Variants in COL8A1 observed in about 807,000 individuals in gnomAD.
COL8A1 encodes the protein collagen alpha-1(VIII) chain.
In COL8A1, 21 loss-of-function variants were observed where a neutral mutation model predicts 42.7. The observed-to-expected ratio is 0.49, with a 90% CI of 0.35 to 0.71. COL8A1 has a LOEUF of 0.71. Ranked by LOEUF, COL8A1 falls within the 30% of genes least tolerant of loss-of-function variation. The pLI is 0.01. For missense variants in COL8A1, 788 were observed against 962.4 expected (o/e 0.82, Z 2.40); for synonymous variants, 367 against 369.1 (o/e 0.99, Z 0.06).
rs1942137381 is a variant in COL8A1 at position 99,798,280 on chromosome 3, A to G, written c.*2144A>G. On this transcript the variant is annotated 3_prime_UTR_variant, in exon 4 of 4. Transcript: ENST00000652472. ...ATTATACAACAATCTTTTCCCAACA[A>G]AAAGATGTCCTCCACAACCTTTGTT... is the stretch of plus-strand genomic sequence containing the variant. The G allele has an allele frequency of 6.6e-6, 1 of 152,168 alleles. No homozygotes were observed. 9.4% of individuals were successfully genotyped at this position (152,168 alleles called of 1,614,324 possible).
intron 1 of COL8A1, among the ~76,000 whole-genome samples, chr3:99,733,904 G>T (rs1039432435): frequency 6.6e-6 from 1 of 152,144 alleles, no homozygotes; most frequent in African/African-American, 2.4e-5. Flanking sequence ...GGCCAGTGAT[G>T]ATGAGCATTT....
intron 1 of COL8A1, among the ~76,000 whole-genome samples, chr3:99,742,318 A>G (rs765879011): frequency 6.6e-6 from 1 of 152,234 alleles, no homozygotes. Context: ...TAACTAAATA[A>G]TTCTTGCTTA....
Position 99,648,460 on chromosome 3 carries a change from T to G in COL8A1, c.-129+9796T>G, listed in dbSNP as rs73150254. Among the ~76,000 whole-genome samples the G allele has an allele frequency of 5.0e-3, 754 of 152,222 alleles. 10 individuals carry two copies. The highest frequency in any genetic ancestry group is 9.1e-3 in the Admixed American group (140 of 15,306). Reference sequence around the variant, plus strand: ...TACAGTGATTTTAATTTCTTTTTCTTTTTTGTTTTTTTTAATCTAAAAGCA... The same window carrying G: ...TACAGTGATTTTAATTTCTTTTTCTGTTTTGTTTTTTTTAATCTAAAAGCA... On this transcript the variant is annotated intron_variant, in intron 1 of 3. Coordinates refer to ENST00000652472, the MANE Select transcript of COL8A1 (RefSeq NM_020351.4).
In COL8A1 at chr3:99,739,902, G is replaced by A. The variant is rs999417387; in HGVS notation, c.-128-4995G>A. Among the ~76,000 whole-genome samples the A allele has an allele frequency of 2.4e-4, 37 of 151,994 alleles. 1 individual carries two copies. Among genetic ancestry groups the A allele is most frequent in the South Asian group, 2.1e-4 (1 of 4,830 alleles). The stretch of plus-strand genomic sequence containing the variant: ...GAAAATTTGTTTTTTCTTTTCTATC[G>A]CATCATCAAGCTGCAAATTTTCCAA... On this transcript the variant is annotated intron_variant, in intron 1 of 3. Transcript: ENST00000652472.
chr3:99,728,442 C>T (rs1391952044), intron 1 of COL8A1, among the ~76,000 whole-genome samples: 1 of 151,838 alleles, frequency 6.6e-6, no homozygotes, highest in South Asian at 2.1e-4. Flanking sequence ...CAAGTGACTA[C>T]CAAAATACAC....
chr3:99,757,679 C>T (rs187931362), intron 2 of COL8A1, among the ~76,000 whole-genome samples: 21 of 151,898 alleles, frequency 1.4e-4, no homozygotes, highest in African/African-American at 4.8e-4. Flanking sequence ...TTTTATCTGC[C>T]GTAGCTATTG....
chr3:99,667,433 TTTG>T (rs1357449123), intron 1 of COL8A1, among the ~76,000 whole-genome samples: 2 of 152,094 alleles, frequency 1.3e-5, no homozygotes, highest in Non-Finnish European at 2.9e-5. Flanking sequence ...CAAGTGGGGT[TTTG>T]TTGTTGTTGT....
intron 1 of COL8A1, among the ~76,000 whole-genome samples, chr3:99,740,539 T>C (rs1158383927): frequency 6.6e-6 from 1 of 152,148 alleles, no homozygotes; most frequent in African/African-American, 2.4e-5. Context: ...GGGAGAAGCC[T>C]CTTACAAAAC....
chr3:99,661,014 T>C lies in COL8A1; in HGVS notation c.-129+22350T>C, dbSNP rs550092729. On this transcript the variant is annotated intron_variant, in intron 1 of 3. Transcript: ENST00000652472. ...CATATACTGTTGGTAAGAGGCTAAATTGGCATGGGTGTTAGACGGTGAATT... is the reference window on the plus strand; with the variant it reads ...CATATACTGTTGGTAAGAGGCTAAACTGGCATGGGTGTTAGACGGTGAATT... 7.2e-5 allele frequency among the ~76,000 whole-genome samples: 11 copies of C among 152,250 alleles called. 1 individual carries two copies. The highest frequency in any genetic ancestry group is 6.5e-4 in the Admixed American group (10 of 15,296).
At chr3:99,684,724 G>C (rs904180823) in intron 1 of COL8A1, among the ~76,000 whole-genome samples, 1 of 152,150 alleles carries the variant, frequency 6.6e-6, no homozygotes, top group African/African-American at 2.4e-5. Flanking sequence ...TCCTTGTAGA[G>C]TAATTTTCTG....
intron 2 of COL8A1, among the ~76,000 whole-genome samples, chr3:99,747,528 A>G (rs1941050743): frequency 6.6e-6 from 1 of 152,224 alleles, no homozygotes; most frequent in East Asian, 1.9e-4. Flanking sequence ...CAAGCCCACT[A>G]CGGAAGGGCT....
At chr3:99,644,991 A>AG (rs1197567021) in intron 1 of COL8A1, among the ~76,000 whole-genome samples, 1 of 152,128 alleles carries the variant, frequency 6.6e-6, no homozygotes, top group Non-Finnish European at 1.5e-5. Context: ...ATGGCAGCAG[A>AG]GGGGTTAAGT....
chr3:99,659,120 G>T (rs920943753), intron 1 of COL8A1, among the ~76,000 whole-genome samples: 1 of 152,194 alleles, frequency 6.6e-6, no homozygotes, highest in African/African-American at 2.4e-5. Context: ...TTTCCCTGAT[G>T]GTGGTTAGTT....
Position 99,797,322 on chromosome 3 carries a change from G to A in COL8A1, c.*1186G>A, listed in dbSNP as rs184077546. 1 of 152,156 alleles carries A rather than the reference G, an allele frequency of 6.6e-6. No homozygotes were observed. The highest frequency in any genetic ancestry group is 6.5e-5 in the Admixed American group (1 of 15,278). 9.4% of individuals were successfully genotyped at this position (152,156 alleles called of 1,614,324 possible). On this transcript the variant is annotated 3_prime_UTR_variant, in exon 4 of 4. Coordinates refer to ENST00000652472, the MANE Select transcript of COL8A1 (RefSeq NM_020351.4). ...GAGTCTTACTCTGTCACCCAGGCTG[G>A]AGTGCAGTAGCACGATCTTGGCTTA...
chr3:99,722,120 T>G (rs1022158170), intron 1 of COL8A1, among the ~76,000 whole-genome samples: 4 of 152,142 alleles, frequency 2.6e-5, no homozygotes, highest in African/African-American at 9.7e-5. Context: ...TCCCTAGTAC[T>G]TAAGTTTTTG....
At chr3:99,674,388 C>A (rs1357776915) in intron 1 of COL8A1, among the ~76,000 whole-genome samples, 1 of 151,716 alleles carries the variant, frequency 6.6e-6, no homozygotes. Context: ...CTACTCCACC[C>A]AACTTCTGTT....
intron 1 of COL8A1, among the ~76,000 whole-genome samples, chr3:99,706,339 G>A (rs1299625179): frequency 6.6e-6 from 1 of 152,132 alleles, no homozygotes; most frequent in Admixed American, 6.5e-5. Flanking sequence ...TTTTCTCAAT[G>A]AAAACCAGCT....
rs139814000 is a variant in COL8A1 at position 99,730,952 on chromosome 3, C to G, written c.-128-13945C>G. On this transcript the variant is annotated intron_variant, in intron 1 of 3. Coordinates refer to ENST00000652472, the MANE Select transcript of COL8A1 (RefSeq NM_020351.4). ...TTCTTTTTTAAAAATCATGTCATGA[C>G]GTTTCTTTTGTAGTGCTAAGTTCTG... is the stretch of plus-strand genomic sequence containing the variant. 6.2e-4 allele frequency among the ~76,000 whole-genome samples: 95 copies of G among 152,096 alleles called. No homozygotes were observed. The East Asian group carries it at 7.2e-3, about 11-fold the overall frequency.
chr3:99,735,090 C>G (rs1275005380), intron 1 of COL8A1, among the ~76,000 whole-genome samples: 1 of 149,846 alleles, frequency 6.7e-6, no homozygotes, highest in Non-Finnish European at 1.5e-5. Context: ...ATCATGTCAT[C>G]TGCAAACAGG....
Sources: allele counts gnomAD v4.1 joint callset (sites outside exome capture counted in the v4.1 genomes callset), GRCh38; gene constraint gnomAD v4.1.1; transcripts MANE v1.5; gene names NCBI Gene and HGNC (gene_info 2026-07-23, HGNC 2026-07-21).